Variants in SAMMSON observed in about 807,000 individuals in gnomAD.
SAMMSON encodes the protein long intergenic non-protein coding RNA 1212.
intron 3 of SAMMSON, among the ~76,000 whole-genome samples, chr3:70,043,172 C>T (rs2067112043): frequency 6.6e-6 from 1 of 152,040 alleles, no homozygotes; most frequent in Non-Finnish European, 1.5e-5. Flanking sequence ...ATTTCAGAGC[C>T]AGGGCTGGTC....
At chr3:70,015,837 G>A (rs2066982386) in intron 3 of SAMMSON, among the ~76,000 whole-genome samples, 1 of 152,090 alleles carries the variant, frequency 6.6e-6, no homozygotes, top group Non-Finnish European at 1.5e-5. Flanking sequence ...TCTTGTGATA[G>A]TTTGCTGAGA....
At chr3:70,203,909 A>G (rs913229040) in intron 4 of SAMMSON, among the ~76,000 whole-genome samples, 1 of 152,158 alleles carries the variant, frequency 6.6e-6, no homozygotes, top group African/African-American at 2.4e-5. Flanking sequence ...GGACATGGAT[A>G]GTCCTCTGGA....
At position 70,245,677 on chromosome 3, in the gene SAMMSON, A is replaced by G. The variant is rs1302220086; in HGVS notation, n.508-3430A>G. Reference sequence around the variant, plus strand: ...AACGTTTTTGCAAACTGCTTTATATATATATATATATATATATATATATAT... The same window carrying G: ...AACGTTTTTGCAAACTGCTTTATATGTATATATATATATATATATATATAT... On this transcript the variant is annotated intron_variant and non_coding_transcript_variant, in intron 4 of 9. Transcript: ENST00000642114. Among the ~76,000 whole-genome samples, 11 of 99,432 alleles carry G rather than the reference A, an allele frequency of 1.1e-4. No individual in the cohort carries two copies. The East Asian group carries it at 2.4e-3, about 22-fold the overall frequency. 65.2% of individuals were successfully genotyped at this position (99,432 alleles called of 152,430 possible). A position where few individuals can be genotyped will look rare whatever the true frequency, so the allele number is the denominator to read the frequency against.
At chr3:70,323,046 A>G (rs887787431) in intron 7 of SAMMSON, among the ~76,000 whole-genome samples, 3 of 152,086 alleles carry the variant, frequency 2.0e-5, no homozygotes, top group Admixed American at 6.6e-5. Flanking sequence ...AGTGGAGATG[A>G]TAAAAGAAAT....
intron 3 of SAMMSON, among the ~76,000 whole-genome samples, chr3:70,038,892 G>A (rs938071098): frequency 1.3e-5 from 2 of 152,064 alleles, no homozygotes; most frequent in Non-Finnish European, 2.9e-5. Flanking sequence ...TTGTGGCTGA[G>A]GAGTTGAATA....
At chr3:70,025,036 A>G (rs1295276456) in intron 3 of SAMMSON, 1 of 151,992 alleles carries the variant, frequency 6.6e-6, no homozygotes, top group African/African-American at 2.4e-5. Flanking sequence ...TGTAGATAAC[A>G]CCATGGGCTA....
intron 7 of SAMMSON, among the ~76,000 whole-genome samples, chr3:70,320,546 C>T (rs1702530264): frequency 6.6e-6 from 1 of 151,942 alleles, no homozygotes; most frequent in African/African-American, 2.4e-5. Flanking sequence ...CATTTCAAGT[C>T]CCCTCTTTTC....
intron 7 of SAMMSON, among the ~76,000 whole-genome samples, chr3:70,306,444 C>T (rs1016739024): frequency 2.0e-5 from 3 of 152,096 alleles, no homozygotes; most frequent in Non-Finnish European, 4.4e-5. Flanking sequence ...AGATTGAAGT[C>T]GTCATGTGAC....
intron 2 of SAMMSON, among the ~76,000 whole-genome samples, chr3:70,430,439 G>A (rs1163515801): frequency 6.6e-6 from 1 of 152,078 alleles, no homozygotes; most frequent in African/African-American, 2.4e-5. Flanking sequence ...AAGTTGTTAT[G>A]AGAGCATGTG....
chr3:70,033,149 C>T (rs1414201904), intron 3 of SAMMSON, among the ~76,000 whole-genome samples: 5 of 152,108 alleles, frequency 3.3e-5, no homozygotes, highest in African/African-American at 1.2e-4. Context: ...AAAAATTCTC[C>T]GTGGTTTTCA....
chr3:70,239,041 T>C (rs1326662548), intron 4 of SAMMSON, among the ~76,000 whole-genome samples: 9 of 152,110 alleles, frequency 5.9e-5, no homozygotes, highest in Non-Finnish European at 2.9e-5. Context: ...TCTACAAAAA[T>C]GGCTTAAAAT....
At position 70,267,211 on chromosome 3, in the gene SAMMSON, G is replaced by A. The variant is rs370176751; in HGVS notation, n.674+17541G>A. On this transcript the variant is annotated intron_variant and non_coding_transcript_variant, in intron 6 of 9. Transcript: ENST00000642114. The stretch of plus-strand genomic sequence containing the variant: ...TTAATTCCCCCTTATGTTTTAGACA[G>A]TAAAAGAAGTCTCATTTTTACGAAG... Among the ~76,000 whole-genome samples the A allele has an allele frequency of 1.6e-3, 238 of 152,112 alleles. 2 individuals are homozygous for A. The highest frequency in any genetic ancestry group is 5.5e-3 in the African/African-American group (227 of 41,482).
chr3:70,176,277 C>T (rs1308676537), intron 4 of SAMMSON, among the ~76,000 whole-genome samples: 1 of 152,146 alleles, frequency 6.6e-6, no homozygotes. Context: ...TTTGGTAGAA[C>T]TGATTGCTCA....
intron 6 of SAMMSON, among the ~76,000 whole-genome samples, chr3:70,263,950 C>A (rs1250569132): frequency 6.6e-6 from 1 of 152,100 alleles, no homozygotes; most frequent in Non-Finnish European, 1.5e-5. Flanking sequence ...ATTTCTAGTT[C>A]TTTAGGTGTC....
chr3:70,214,238 C>G (rs962484529), intron 4 of SAMMSON, among the ~76,000 whole-genome samples: 2 of 152,014 alleles, frequency 1.3e-5, no homozygotes, highest in African/African-American at 4.8e-5. Context: ...TTTCAAATGG[C>G]AGCTCTGGTT....
At chr3:70,299,086 T>C (rs12330468) in intron 7 of SAMMSON, among the ~76,000 whole-genome samples, 5 of 152,160 alleles carry the variant, frequency 3.3e-5, no homozygotes, top group African/African-American at 1.2e-4. Flanking sequence ...CATATCATAA[T>C]GAATTCCTTT....
chr3:70,414,664 T>G (rs934200232), intron 2 of SAMMSON, among the ~76,000 whole-genome samples: 2 of 152,138 alleles, frequency 1.3e-5, no homozygotes, highest in African/African-American at 4.8e-5. Context: ...ATTAGGTATT[T>G]AATGTGACCT....
intron 6 of SAMMSON, among the ~76,000 whole-genome samples, chr3:70,280,674 G>T (rs1441499371): frequency 6.6e-6 from 1 of 152,050 alleles, no homozygotes; most frequent in Non-Finnish European, 1.5e-5. Context: ...ATAGAAACTA[G>T]AATACCTCTT....
chr3:70,109,848 G>A (rs988592038), intron 4 of SAMMSON, among the ~76,000 whole-genome samples: 4 of 152,160 alleles, frequency 2.6e-5, no homozygotes, highest in Admixed American at 2.6e-4. Flanking sequence ...TGTCCTATTT[G>A]TGTAGAGGTA....
Sources: allele counts gnomAD v4.1 joint callset (sites outside exome capture counted in the v4.1 genomes callset), GRCh38; gene constraint gnomAD v4.1.1; transcripts MANE v1.5; gene names NCBI Gene and HGNC (gene_info 2026-07-23, HGNC 2026-07-21).